The following WDR77 variants were observed in gnomAD, a reference collection of about 807,000 sequenced individuals.
The protein encoded by WDR77 is WD repeat domain 77.
A neutral mutation model predicts 44.0 loss-of-function variants in WDR77; 31 were observed. That is an observed-to-expected ratio of 0.70 (90% CI 0.53 to 0.95). The LOEUF (loss-of-function observed/expected upper bound fraction) is 0.95, where lower values mean the gene tolerates loss of function less well. Among genes scored for constraint, WDR77 ranks in the 40% least tolerant of loss-of-function variants. The probability of loss-of-function intolerance (pLI) is 0.00; values close to 1 mark genes in which losing one functional copy is unlikely to be tolerated. For synonymous variants in WDR77, 186 were observed against 165.7 expected (o/e 1.12, Z -0.94); for missense variants, 390 against 423.9 (o/e 0.92, Z 0.70).
intron 4 of WDR77, among the ~76,000 whole-genome samples, chr1:111,445,938 T>G (rs551708266): frequency 6.6e-5 from 10 of 152,234 alleles, no homozygotes; most frequent in Non-Finnish European, 1.3e-4. Flanking sequence ...CTGGCTAATT[T>G]TTGTACTTTT....
chr1:111,442,840 G>T (rs549086808), intron 7 of WDR77, 79 bp from the exon 8 acceptor site: 4 of 1,012,286 alleles, frequency 4.0e-6, no homozygotes, highest in African/African-American at 1.6e-5. Context: ...AGTTCCTCGA[G>T]CTTGTAAAAG....
At chr1:111,447,927 C>G (rs556506037) in intron 2 of WDR77, among the ~76,000 whole-genome samples, 1 of 152,298 alleles carries the variant, frequency 6.6e-6, no homozygotes, top group Admixed American at 6.5e-5. Context: ...AGCACACTAT[C>G]CAGTGATGTT....
chr1:111,443,209 T>C, intron 7 of WDR77, 114 bp downstream of exon 7: 1 of 929,480 alleles, frequency 1.1e-6, no homozygotes, highest in Non-Finnish European at 1.6e-6. Context: ...ATTCATCTAG[T>C]GTCCATGAGG....
chr1:111,443,091 G>A (rs1652879822), intron 7 of WDR77, among the ~76,000 whole-genome samples: 1 of 152,134 alleles, frequency 6.6e-6, no homozygotes, highest in Non-Finnish European at 1.5e-5. Flanking sequence ...GAATACAGAA[G>A]CTGGATCAAT....
chr1:111,442,728 G>A lies in WDR77; in HGVS notation c.725C>T (p.Thr242Ile). The A allele has an allele frequency of 6.3e-7, 1 of 1,599,880 alleles. No individual in the cohort carries two copies. The highest frequency in any genetic ancestry group is 2.3e-5 in the East Asian group (1 of 44,414). ...GCTCAGGACACAGCTTGTACTCTTG[G>A]TGTCCACAAGGGAGACTGTCCCATT... ...DENGTVSLVD[T>I]KSTSCVLSSA... is the part of the protein sequence containing the mutation. Residue 242 changes from threonine (T) to isoleucine (I), a missense_variant, in exon 8 of 10, where the codon ACC becomes ATC. Coordinates refer to ENST00000235090, the MANE Select transcript of WDR77 (RefSeq NM_024102.4).
chr1:111,444,236 G>A (rs1652930003), intron 4 of WDR77, 112 bp from the exon 5 acceptor site: 2 of 994,150 alleles, frequency 2.0e-6, no homozygotes, highest in Non-Finnish European at 1.5e-6. Context: ...GTCTCATGAT[G>A]CAATTTAACA....
Position 111,441,291 on chromosome 1 carries a change from A to G in WDR77, c.968T>C (p.Val323Ala). Residue 323 changes from valine (V) to alanine (A), a missense_variant, in exon 10 of 10, where the codon GTC becomes GCC. Val to Ala is a moderately conservative substitution (Grantham distance 64). Transcript: ENST00000235090. ...LTTVGWDHQV[V>A]HHVVPTEPLP... ...AGGTTCTGTGGGCACAACGTGGTGG[A>G]CGACCTGATGGTCCCAGCCCACTGT... 1 of 1,587,806 alleles carries G rather than the reference A, an allele frequency of 6.3e-7. No homozygotes were observed. The highest frequency in any genetic ancestry group is 8.6e-7 in the Non-Finnish European group (1 of 1,165,242).
At position 111,445,713 on chromosome 1, in the gene WDR77, A is replaced by T. The variant is rs1652996289; in HGVS notation, c.493+1382T>A. Among the ~76,000 whole-genome samples, 4 of 152,280 alleles carry T rather than the reference A, an allele frequency of 2.6e-5. No individual in the cohort carries two copies. In the South Asian group the frequency reaches 8.3e-4, roughly 31 times the overall value. ...TGCTGAAAAAGAGTTAGCATTAACCAGGAAAGCACATCATATGTCTAAGAA... is the reference window on the plus strand; with the variant it reads ...TGCTGAAAAAGAGTTAGCATTAACCTGGAAAGCACATCATATGTCTAAGAA... On this transcript the variant is annotated intron_variant, in intron 4 of 9. Transcript: ENST00000235090.
Position 111,442,656 on chromosome 1 carries a change from T to A in WDR77, c.797A>T (p.His266Leu), listed in dbSNP as rs754249282. 4 of 1,574,036 alleles carry A rather than the reference T, an allele frequency of 2.5e-6. No homozygotes were observed. In the East Asian group the frequency reaches 9.1e-5, roughly 36 times the overall value. Residue 266 changes from histidine (H) to leucine (L), a missense_variant, in exon 8 of 10, where the codon CAC becomes CTC. His to Leu is a moderately conservative substitution (Grantham distance 99, BLOSUM62 -3). Transcript: ENST00000235090. Reference protein sequence around the residue: ...QCVTGLVFSPHSVPFLASLSE... With the variant: ...QCVTGLVFSPLSVPFLASLSE... ...CCCTGATGACAAAGAACAGTACCTG[T>A]GTGGGGAGAACACCAGCCCAGTGAC...
chr1:111,442,836 T>A, intron 7 of WDR77, 75 bp from the exon 8 acceptor site: 3 of 1,076,642 alleles, frequency 2.8e-6, no homozygotes, highest in Non-Finnish European at 3.8e-6. Context: ...TCCTAGTTCC[T>A]CGAGCTTGTA....
intron 8 of WDR77, 185 bp from the exon 9 acceptor site, chr1:111,442,278 A>G (rs545845635): frequency 1.6e-6 from 1 of 633,472 alleles, no homozygotes; most frequent in Admixed American, 2.9e-5. Context: ...AAATGAAGCA[A>G]AGTTAGGGTT....
At chr1:111,447,636 T>C (rs1653102947) in intron 2 of WDR77, 60 bp from the exon 3 acceptor site, 1 of 1,590,786 alleles carries the variant, frequency 6.3e-7, no homozygotes, top group South Asian at 1.1e-5. Context: ...GTAATTCACT[T>C]CTAGGATTCA....
chr1:111,441,578 T>C (rs1652817953), intron 9 of WDR77, 189 bp from the exon 10 acceptor site: 2 of 1,293,370 alleles, frequency 1.5e-6, no homozygotes, highest in African/African-American at 3.0e-5. Context: ...TCCAATCCAG[T>C]CTTCTATTTT....
chr1:111,442,939 C>G (rs1652873539), intron 7 of WDR77, among the ~76,000 whole-genome samples, 178 bp from the exon 8 acceptor site: 1 of 152,190 alleles, frequency 6.6e-6, no homozygotes, highest in African/African-American at 2.4e-5. Context: ...ATGAACGAAG[C>G]AGTTATTATT....
chr1:111,448,153 T>A (rs141152553), intron 2 of WDR77, among the ~76,000 whole-genome samples: 1 of 150,770 alleles, frequency 6.6e-6, no homozygotes. Context: ...TAAACTTCCA[T>A]GCAATGCCGG....
intron 3 of WDR77, 46 bp from the exon 4 acceptor site, chr1:111,447,190 C>G (rs1318233476): frequency 1.2e-6 from 2 of 1,607,924 alleles, no homozygotes; most frequent in Admixed American, 3.4e-5. Context: ...CCTACACTAT[C>G]AACATAAAAA....
Position 111,448,622 on chromosome 1 carries a change from A to C in WDR77, c.298T>G (p.Ser100Ala). The C allele has an allele frequency of 1.2e-6, 2 of 1,614,072 alleles. No individual in the cohort carries two copies. The highest frequency in any genetic ancestry group is 3.3e-5 in the Admixed American group (2 of 60,012). Reference protein sequence around the residue: ...GERGILVASDSGAVELWELDE... With the variant: ...GERGILVASDAGAVELWELDE... ...GGATAATGGGATAGTGACTCACCTG[A>C]ATCGGAGGCCACTAGAATACCTCTC... The change falls in exon 2 of 10, where the codon TCA (serine) becomes GCA (alanine). Residue 100 changes from serine to alanine, a missense_variant. Physicochemically the swap from Ser to Ala is moderately conservative, Grantham distance 99 (BLOSUM62 1). Coordinates refer to ENST00000235090, the MANE Select transcript of WDR77 (RefSeq NM_024102.4).
At chr1:111,442,162 G>C in intron 8 of WDR77, 69 bp from the exon 9 acceptor site, 4 of 1,470,372 alleles carry the variant, frequency 2.7e-6, no homozygotes, top group Admixed American at 3.6e-5. Flanking sequence ...AACTGGGCCG[G>C]CCCTGCCGCC....
At chr1:111,441,552 T>C in intron 9 of WDR77, 163 bp from the exon 10 acceptor site, 1 of 1,306,734 alleles carries the variant, frequency 7.7e-7, no homozygotes, top group Non-Finnish European at 9.7e-7. Context: ...CTATCCACAG[T>C]GGATGTCATC....
Sources: gnomAD v4.1 joint callset for allele counts (sites outside exome capture counted in the v4.1 genomes callset) on GRCh38, gnomAD v4.1.1 for gene constraint, MANE v1.5 for transcripts, NCBI Gene and HGNC (gene_info 2026-07-23, HGNC 2026-07-21) for gene names.